TBCK: variants seen among roughly 807,000 people sequenced by gnomAD.
TBCK encodes TBC1 domain containing kinase.
In TBCK, 99 loss-of-function variants were observed where a neutral mutation model predicts 113.4. The ratio of observed to expected loss-of-function variants is 0.87; its 90% CI spans 0.74 to 1.03. The LOEUF (loss-of-function observed/expected upper bound fraction) is 1.03, where lower values mean the gene tolerates loss of function less well. Ranked by LOEUF, TBCK falls within the 50% of genes least tolerant of loss-of-function variation. TBCK has a pLI of 0.00. For missense variants in TBCK, 1,045 were observed against 1,061.3 expected (o/e 0.98, Z 0.21); for synonymous variants, 369 against 370.8 (o/e 1.00, Z 0.05).
At chr4:106,055,530 G>T (rs1326076037) in intron 25 of TBCK, among the ~76,000 whole-genome samples, 1 of 148,202 alleles carries the variant, frequency 6.7e-6, no homozygotes. Flanking sequence ...TTCATAGTTT[G>T]GTTTGTTGAA....
chr4:106,161,560 T>C (rs1296122969), intron 23 of TBCK, among the ~76,000 whole-genome samples: 2 of 152,174 alleles, frequency 1.3e-5, no homozygotes, highest in Non-Finnish European at 2.9e-5. Context: ...CCAATAATTG[T>C]AATGTGTTGT....
chr4:106,299,735 G>A (rs1191780426), intron 2 of TBCK, among the ~76,000 whole-genome samples: 1 of 152,040 alleles, frequency 6.6e-6, no homozygotes, highest in Non-Finnish European at 1.5e-5. Flanking sequence ...AAACAATATA[G>A]TTTCACAGAA....
At chr4:106,125,308 A>T (rs906938703) in intron 23 of TBCK, among the ~76,000 whole-genome samples, 3 of 152,226 alleles carry the variant, frequency 2.0e-5, no homozygotes, top group Non-Finnish European at 4.4e-5. Context: ...AATAGCCAAG[A>T]TACAGAACTA....
chr4:106,309,138 G>A (rs1480826937), intron 1 of TBCK, 149 bp from the exon 2 acceptor site: 35 of 514,708 alleles, frequency 6.8e-5, no homozygotes. Flanking sequence ...TAAAATATCA[G>A]AGGACAAAAC....
At chr4:106,063,920 A>AC (rs1337280753) in intron 25 of TBCK, among the ~76,000 whole-genome samples, 1 of 151,942 alleles carries the variant, frequency 6.6e-6, no homozygotes, top group Admixed American at 6.6e-5. Flanking sequence ...GTTATAAGCC[A>AC]CCCAATCTTT....
At chr4:106,089,118 A>T (rs1365066355) in intron 25 of TBCK, among the ~76,000 whole-genome samples, 3 of 151,880 alleles carry the variant, frequency 2.0e-5, no homozygotes, top group Non-Finnish European at 4.4e-5. Context: ...TGGTACCAAC[A>T]TCTTCTGGTG....
chr4:106,264,435 C>G (rs1046019451), intron 3 of TBCK, among the ~76,000 whole-genome samples: 1 of 151,824 alleles, frequency 6.6e-6, no homozygotes, highest in African/African-American at 2.4e-5. Context: ...GTATTCAGTG[C>G]GTGCAGTAGA....
rs1936369137 is a variant in TBCK at position 106,149,374 on chromosome 4, C to T, written c.2235+21721G>A. Among the ~76,000 whole-genome samples, 2 of 152,192 alleles carry T rather than the reference C, an allele frequency of 1.3e-5. 1 individual carries two copies. The highest frequency in any genetic ancestry group is 4.1e-4 in the South Asian group (2 of 4,832). On this transcript the variant is annotated intron_variant, in intron 23 of 25. Transcript: ENST00000394708. Reference sequence around the variant, plus strand: ...CTTGGCTTTTGACATGCCTTCCTCACTAAGCTTAATCATTTCTAGCTTTTG... The same window carrying T: ...CTTGGCTTTTGACATGCCTTCCTCATTAAGCTTAATCATTTCTAGCTTTTG...
chr4:106,295,286 T>G (rs1766178620), intron 2 of TBCK, 120 bp from the exon 3 acceptor site: 1 of 681,164 alleles, frequency 1.5e-6, no homozygotes, highest in African/African-American at 1.8e-5. Context: ...TAAAAGAGCC[T>G]TTCAAACTCT....
At chr4:106,245,018 G>A (rs1054567001) in intron 10 of TBCK, among the ~76,000 whole-genome samples, 1 of 152,108 alleles carries the variant, frequency 6.6e-6, no homozygotes, top group Admixed American at 6.6e-5. Context: ...CTGTCCCCAG[G>A]ACTGGAGACA....
At position 106,196,066 on chromosome 4, in the gene TBCK, A is replaced by G. The variant is rs75497599; in HGVS notation, c.1861-1312T>C. On this transcript the variant is annotated intron_variant, in intron 20 of 25. Transcript: ENST00000394708. ...ATGTGCTTTTTGTTACCACTTAATT[A>G]ACAGGATGCTTCATAACAGACTAAA... Among the ~76,000 whole-genome samples, 844 of 152,182 alleles carry G rather than the reference A, an allele frequency of 5.5e-3. 6 individuals carry two copies. The highest frequency in any genetic ancestry group is 0.02 in the African/African-American group (811 of 41,538).
chr4:106,222,530 A>C (rs1165452401), intron 19 of TBCK, among the ~76,000 whole-genome samples: 1 of 152,178 alleles, frequency 6.6e-6, no homozygotes, highest in Non-Finnish European at 1.5e-5. Context: ...TAAGAAGATG[A>C]AAGATGATGG....
intron 25 of TBCK, among the ~76,000 whole-genome samples, chr4:106,073,865 C>T (rs1737829534): frequency 6.6e-6 from 1 of 152,216 alleles, no homozygotes; most frequent in South Asian, 2.1e-4. Context: ...ACAGTTCGAT[C>T]TCAGACTGCT....
chr4:106,241,367 T>C (rs1354596882), intron 12 of TBCK, among the ~76,000 whole-genome samples: 1 of 151,934 alleles, frequency 6.6e-6, no homozygotes, highest in Non-Finnish European at 1.5e-5. Flanking sequence ...ATCAAAACCC[T>C]ATAATTTTTT....
At chr4:106,159,634 A>G (rs1240493217) in intron 23 of TBCK, among the ~76,000 whole-genome samples, 1 of 152,126 alleles carries the variant, frequency 6.6e-6, no homozygotes, top group Non-Finnish European at 1.5e-5. Flanking sequence ...TTAGAAAGAC[A>G]TAAATAAATG....
rs544050846 is a variant in TBCK at position 106,196,240 on chromosome 4, C to T, written c.1861-1486G>A. Among the ~76,000 whole-genome samples the T allele has an allele frequency of 5.9e-5, 9 of 151,640 alleles. No individual in the cohort carries two copies. In the South Asian group the frequency reaches 1.9e-3, roughly 32 times the overall value. On this transcript the variant is annotated intron_variant, in intron 20 of 25. Transcript: ENST00000394708. ...ACACACATATAGACATATACATTTT[C>T]AAATTTTAGAAGGTTTTAGAAGTGA...
intron 20 of TBCK, among the ~76,000 whole-genome samples, chr4:106,208,457 C>G (rs1755781097): frequency 6.7e-6 from 1 of 149,304 alleles, no homozygotes; most frequent in Admixed American, 6.7e-5. Context: ...AACCAATTAG[C>G]ACATACACTC....
chr4:106,135,727 G>C (rs1746479975), intron 23 of TBCK, among the ~76,000 whole-genome samples: 1 of 141,502 alleles, frequency 7.1e-6, no homozygotes, highest in African/African-American at 2.5e-5. Flanking sequence ...CGGTACTTGG[G>C]ATATTTCAAT....
intron 23 of TBCK, among the ~76,000 whole-genome samples, chr4:106,119,223 T>C (rs1366028050): frequency 6.6e-6 from 1 of 152,194 alleles, no homozygotes; most frequent in African/African-American, 2.4e-5. Flanking sequence ...CATGAGACTT[T>C]GTTTACAGGT....
Sources: allele counts gnomAD v4.1 joint callset (sites outside exome capture counted in the v4.1 genomes callset), GRCh38; gene constraint gnomAD v4.1.1; transcripts MANE v1.5; gene names NCBI Gene and HGNC (gene_info 2026-07-23, HGNC 2026-07-21).